Variants in C10orf90 observed in about 807,000 individuals in gnomAD.
The protein encoded by C10orf90 is (E2-independent) E3 ubiquitin-conjugating enzyme FATS.
Under a neutral mutation model 62.5 loss-of-function variants are expected in C10orf90, and 56 were observed. That is an observed-to-expected ratio of 0.90 (90% CI 0.72 to 1.12). The LOEUF (loss-of-function observed/expected upper bound fraction) is 1.12, where lower values mean the gene tolerates loss of function less well. Ranked by LOEUF, C10orf90 falls within the 50% of genes most tolerant of loss-of-function variation. The probability of loss-of-function intolerance (pLI) is 0.00; values close to 1 mark genes in which losing one functional copy is unlikely to be tolerated. For missense variants in C10orf90, 970 were observed against 880.4 expected, an observed-to-expected ratio of 1.10 and a Z score of -1.29; for synonymous variants, 386 against 340.4, an observed-to-expected ratio of 1.13 and a Z score of -1.47.
intron 2 of C10orf90, among the ~76,000 whole-genome samples, chr10:126,605,801 C>A (rs571241658): frequency 2.2e-4 from 34 of 152,000 alleles, no homozygotes; most frequent in Non-Finnish European, 4.3e-4. Flanking sequence ...AGTGGAGGAA[C>A]AACCAGAGAC....
At chr10:126,587,060 G>T (rs190923428) in intron 2 of C10orf90, among the ~76,000 whole-genome samples, 21 of 152,156 alleles carry the variant, frequency 1.4e-4, no homozygotes, top group Non-Finnish European at 2.6e-4. Context: ...GCTGAAGAGG[G>T]GCTGGCTCTG....
intron 4 of C10orf90, among the ~76,000 whole-genome samples, chr10:126,474,837 A>G (rs1860769002): frequency 6.6e-6 from 1 of 152,206 alleles, no homozygotes; most frequent in Non-Finnish European, 1.5e-5. Context: ...TTCCACTCTG[A>G]TGGGGCTTAC....
intron 3 of C10orf90, among the ~76,000 whole-genome samples, chr10:126,507,551 T>A (rs991665181): frequency 4.6e-5 from 7 of 150,588 alleles, no homozygotes; most frequent in Non-Finnish European, 2.9e-5. Flanking sequence ...GAAAGGGGAC[T>A]TTCAGCCCTC....
At chr10:126,493,921 A>T (rs753169831) in intron 4 of C10orf90, among the ~76,000 whole-genome samples, 1 of 152,230 alleles carries the variant, frequency 6.6e-6, no homozygotes, top group Non-Finnish European at 1.5e-5. Flanking sequence ...ACACTGTGAC[A>T]TTCAATGGAC....
intron 2 of C10orf90, among the ~76,000 whole-genome samples, chr10:126,593,387 G>A (rs1209887922): frequency 1.3e-5 from 2 of 152,134 alleles, no homozygotes; most frequent in Non-Finnish European, 2.9e-5. Context: ...TCCTTTGCAG[G>A]GACATGGATG....
At chr10:126,509,176 C>T (rs140428718) in intron 3 of C10orf90, among the ~76,000 whole-genome samples, 1 of 152,302 alleles carries the variant, frequency 6.6e-6, no homozygotes, top group East Asian at 1.9e-4. Flanking sequence ...GAGGGAAGAG[C>T]AATCATGAAT....
intron 7 of C10orf90, among the ~76,000 whole-genome samples, chr10:126,448,337 A>C (rs549182381): frequency 1.6e-3 from 242 of 152,312 alleles, no homozygotes; most frequent in Non-Finnish European, 2.5e-3. Flanking sequence ...ATAAACAAAA[A>C]TGGAAACACA....
At chr10:126,581,124 T>C (rs1844742763) in intron 2 of C10orf90, among the ~76,000 whole-genome samples, 1 of 152,242 alleles carries the variant, frequency 6.6e-6, no homozygotes, top group Admixed American at 6.5e-5. Context: ...CTGTGTCTCC[T>C]GCTGTTTGCT....
At position 126,670,644 on chromosome 10, in the gene C10orf90, C is replaced by T. The variant is rs987236655; in HGVS notation, c.-164G>A. ...GCTAGTTGTCTCAATATCCCAGCTA[C>T]ATTTGTGAAGGATGTGGATGTGGGA... On this transcript the variant is annotated 5_prime_UTR_variant, in exon 1 of 10. An upstream start codon of the reference 5' UTR is lost. Transcript: ENST00000488181. Among the ~76,000 whole-genome samples the T allele has an allele frequency of 1.6e-5, 2 of 122,370 alleles. No homozygotes were observed. Among genetic ancestry groups the T allele is most frequent in the Non-Finnish European group, 3.1e-5 (2 of 63,498 alleles). 80.3% of individuals were successfully genotyped at this position (122,370 alleles called of 152,430 possible).
At chr10:126,432,713 C>T (rs527816866) in intron 7 of C10orf90, among the ~76,000 whole-genome samples, 3 of 152,248 alleles carry the variant, frequency 2.0e-5, no homozygotes, top group South Asian at 2.1e-4. Flanking sequence ...GAGGCGAGAG[C>T]GAAGATTACT....
intron 5 of C10orf90, among the ~76,000 whole-genome samples, chr10:126,463,961 A>C (rs1014294780): frequency 7.6e-6 from 1 of 131,162 alleles, no homozygotes; most frequent in African/African-American, 3.0e-5. Flanking sequence ...TGCCATAACC[A>C]ATTTAAATTT....
chr10:126,625,387 A>G (rs1845722935), intron 2 of C10orf90, among the ~76,000 whole-genome samples: 1 of 152,180 alleles, frequency 6.6e-6, no homozygotes, highest in South Asian at 2.1e-4. Context: ...ACAGCTCACC[A>G]CAGTGTTACT....
chr10:126,638,627 TG>T (rs1846000812), intron 2 of C10orf90, among the ~76,000 whole-genome samples: 1 of 152,168 alleles, frequency 6.6e-6, no homozygotes, highest in Non-Finnish European at 1.5e-5. Context: ...CCTTGACATC[TG>T]GGGAAAATGA....
chr10:126,446,489 T>C (rs1024777185), intron 7 of C10orf90, among the ~76,000 whole-genome samples: 29 of 151,932 alleles, frequency 1.9e-4, no homozygotes, highest in Non-Finnish European at 2.5e-4. Flanking sequence ...ATATTCAAAG[T>C]GCTGGGGGGA....
At chr10:126,532,817 T>C (rs1331627908) in intron 2 of C10orf90, among the ~76,000 whole-genome samples, 1 of 26,208 alleles carries the variant, frequency 3.8e-5, no homozygotes, top group Non-Finnish European at 6.8e-5. Flanking sequence ...AGCTCCAGTC[T>C]GGGCAACAGA....
intron 2 of C10orf90, among the ~76,000 whole-genome samples, chr10:126,545,154 T>C (rs1051404063): frequency 6.6e-6 from 1 of 152,118 alleles, no homozygotes; most frequent in African/African-American, 2.4e-5. Context: ...TCGATCTCTG[T>C]TTCGTAATCA....
intron 7 of C10orf90, among the ~76,000 whole-genome samples, chr10:126,438,203 G>A (rs768499856): frequency 3.3e-5 from 5 of 152,130 alleles, no homozygotes; most frequent in African/African-American, 7.2e-5. Context: ...CTACTGCCCA[G>A]AGGAACCCCA....
chr10:126,647,115 T>A (rs548991012), intron 1 of C10orf90, among the ~76,000 whole-genome samples: 8 of 152,390 alleles, frequency 5.2e-5, no homozygotes, highest in Admixed American at 1.3e-4. Flanking sequence ...TCTTCAGGTA[T>A]GACTGTTTTG....
intron 1 of C10orf90, among the ~76,000 whole-genome samples, chr10:126,663,282 C>T (rs1467356903): frequency 6.6e-6 from 1 of 152,090 alleles, no homozygotes; most frequent in African/African-American, 2.4e-5. Flanking sequence ...TTGACTTTCT[C>T]TGTAGTTAGC....
Sources: gnomAD v4.1 joint callset for allele counts (sites outside exome capture counted in the v4.1 genomes callset) on GRCh38, gnomAD v4.1.1 for gene constraint, MANE v1.5 for transcripts, NCBI Gene and HGNC (gene_info 2026-07-23, HGNC 2026-07-21) for gene names.